The following RARA variants were observed in gnomAD, a reference collection of about 807,000 sequenced individuals.
The protein encoded by RARA is retinoic acid receptor alpha.
Under a neutral mutation model 42.8 loss-of-function variants are expected in RARA, and 5 were observed. The ratio of observed to expected loss-of-function variants is 0.12; its 90% CI spans 0.06 to 0.25. The LOEUF (loss-of-function observed/expected upper bound fraction) is 0.25. Among genes scored for constraint, RARA ranks in the 10% least tolerant of loss-of-function variants. RARA has a pLI of 1.00. For synonymous variants in RARA, 256 were observed against 259.5 expected (o/e 0.99, Z 0.13); for missense variants, 402 against 628.7 (o/e 0.64, Z 3.86).
rs759685297 is a variant in RARA, at chr17:40,356,058, G to A, written c.1221G>A (p.Pro407=). ...AGATGGAGATCCCGGGCTCCATGCCGCCTCTCATCCAGGAAATGTTGGAGA... is the reference window on the plus strand; with the variant it reads ...AGATGGAGATCCCGGGCTCCATGCCACCTCTCATCCAGGAAATGTTGGAGA... ...TLKMEIPGSM[P]PLIQEMLENS... Residue 407 remains proline, a synonymous_variant, in exon 9 of 9, where the codon CCG becomes CCA. Transcript: ENST00000254066. 1.4e-5 allele frequency: 21 copies of A among 1,539,588 alleles called. No individual in the cohort carries two copies. The South Asian group carries it at 1.5e-4, about 11-fold the overall frequency.
At chr17:40,321,051 C>T (rs2033361085) in intron 1 of RARA, among the ~76,000 whole-genome samples, 1 of 152,106 alleles carries the variant, frequency 6.6e-6, no homozygotes, top group Non-Finnish European at 1.5e-5. Flanking sequence ...CCTCTACTCC[C>T]CTCTCCACCC....
chr17:40,312,806 CTG>C (rs1270340076), intron 1 of RARA, among the ~76,000 whole-genome samples: 1 of 152,158 alleles, frequency 6.6e-6, no homozygotes, highest in Admixed American at 6.5e-5. Flanking sequence ...GAGAAGGAAA[CTG>C]AGGCCTAGAG....
At chr17:40,342,839 G>T in intron 2 of RARA, 1 of 1,612,980 alleles carries the variant, frequency 6.2e-7, no homozygotes, top group Non-Finnish European at 8.5e-7. Context: ...CCCCGCTCCG[G>T]ACTCCGCTTT....
intron 1 of RARA, among the ~76,000 whole-genome samples, chr17:40,330,410 CT>C (rs2033661277): frequency 6.6e-6 from 1 of 152,132 alleles, no homozygotes; most frequent in African/African-American, 2.4e-5. Context: ...GAGGGGCCCC[CT>C]GGCTTAGGAG....
At chr17:40,318,329 C>T (rs1458205142) in intron 1 of RARA, 1 of 152,356 alleles carries the variant, frequency 6.6e-6, no homozygotes, top group South Asian at 2.1e-4. Flanking sequence ...GAGCCGCGGC[C>T]CCCTGGACGG....
intron 1 of RARA, among the ~76,000 whole-genome samples, chr17:40,316,950 G>A (rs888536799): frequency 1.1e-4 from 17 of 152,228 alleles, no homozygotes; most frequent in African/African-American, 4.1e-4. Context: ...CCGTGCGCCG[G>A]CCCTCAGGGC....
At position 40,349,767 on chromosome 17, in the gene RARA, C is replaced by T; in HGVS notation, c.328-17C>T. 1.2e-6 allele frequency: 2 copies of T among 1,613,698 alleles called. No homozygotes were observed. The highest frequency in any genetic ancestry group is 1.7e-4 in the Middle Eastern group (1 of 6,052). ...CTGTGGGTGTGGACAACCTGACTCC[C>T]TCCCCTCCATACCCAGGGCTTCTTC... is the stretch of plus-strand genomic sequence containing the variant. On this transcript the variant is annotated splice_polypyrimidine_tract_variant and intron_variant, in intron 3 of 8. Coordinates refer to ENST00000254066, the MANE Select transcript of RARA (RefSeq NM_000964.4).
Position 40,331,013 on chromosome 17 carries a change from C to T in RARA, c.-206C>T, listed in dbSNP as rs2033676585. The stretch of plus-strand genomic sequence containing the variant: ...GACCGGCTCTTGAGACATCCCCCAA[C>T]CCACCTGGCCCCCAGCTAGGGTGGG... On this transcript the variant is annotated 5_prime_UTR_variant, in exon 2 of 9. Coordinates refer to ENST00000254066, the MANE Select transcript of RARA (RefSeq NM_000964.4). The T allele has an allele frequency of 3.6e-6, 2 of 550,130 alleles. No homozygotes were observed. Among genetic ancestry groups the T allele is most frequent in the Non-Finnish European group, 6.3e-6 (2 of 319,594 alleles). 34.1% of individuals were successfully genotyped at this position (550,130 alleles called of 1,614,324 possible). A position where few individuals can be genotyped will look rare whatever the true frequency, so the allele number is the denominator to read the frequency against.
Position 40,345,037 on chromosome 17 carries a change from G to C in RARA, c.179-3279G>C, listed in dbSNP as rs2034210327. Among the ~76,000 whole-genome samples, 2 of 152,192 alleles carry C rather than the reference G, an allele frequency of 1.3e-5. No homozygotes were observed. The highest frequency in any genetic ancestry group is 4.1e-4 in the South Asian group (2 of 4,836). ...TCTGGGAGGAGGTGGCCTGGGTTCT[G>C]CAGGGCCCTAGGGACATTGCCTCCC... On this transcript the variant is annotated intron_variant, in intron 2 of 8. Coordinates refer to ENST00000254066, the MANE Select transcript of RARA (RefSeq NM_000964.4). The surrounding 1 kb of genome is among the most constrained non-coding windows in gnomAD (Gnocchi z 4.8).
At chr17:40,315,167 TATATACAC>T (rs1174104572) in intron 1 of RARA, among the ~76,000 whole-genome samples, 11 of 116,028 alleles carry the variant, frequency 9.5e-5, no homozygotes, top group Non-Finnish European at 1.5e-4. Flanking sequence ...TATATATATA[TATATACAC>T]ACACACACAC....
At chr17:40,343,093 T>C in intron 2 of RARA, 1 of 778,674 alleles carries the variant, frequency 1.3e-6, no homozygotes, top group Non-Finnish European at 1.8e-6. Context: ...ACTTTGAGAG[T>C]TCCTTCTTTC....
intron 2 of RARA, among the ~76,000 whole-genome samples, chr17:40,334,949 G>A (rs972807532): frequency 5.3e-5 from 8 of 152,106 alleles, no homozygotes; most frequent in East Asian, 1.9e-4. Flanking sequence ...GAGATGGTCC[G>A]GCGATTCTCC....
Position 40,355,403 on chromosome 17 carries a change from C to T in RARA, c.1153C>T (p.Arg385Ter), listed in dbSNP as rs2034587712. ...PKMLMKITDLRSISAKGAERV... is the reference protein window; with the variant it reads ...PKMLMKITDL ...GATGCTAATGAAGATTACTGACCTG[C>T]GAAGCATCAGCGCCAAGGGTGAGGC... Residue 385 changes from arginine (R) to a stop codon, truncating the protein, a stop_gained, in exon 8 of 9, where the codon CGA (arginine) becomes TGA (stop). Coordinates refer to ENST00000254066, the MANE Select transcript of RARA (RefSeq NM_000964.4). LOFTEE classifies it high-confidence loss of function. The surrounding 1 kb of genome is among the most constrained non-coding windows in gnomAD (Gnocchi z 4.1). 1.9e-6 allele frequency: 3 copies of T among 1,613,918 alleles called. No homozygotes were observed. Among genetic ancestry groups the T allele is most frequent in the Non-Finnish European group, 1.7e-6 (2 of 1,179,896 alleles).
intron 1 of RARA, among the ~76,000 whole-genome samples, chr17:40,312,669 C>A (rs926812267): frequency 6.6e-6 from 1 of 152,140 alleles, no homozygotes; most frequent in African/African-American, 2.4e-5. Context: ...AGGGGCATGA[C>A]CCAGGTAGAT....
Position 40,355,637 on chromosome 17 carries a change from TG to T in RARA, c.1171+219del, listed in dbSNP as rs1341342739. Among the ~76,000 whole-genome samples the T allele has an allele frequency of 1.3e-5, 2 of 152,200 alleles. No homozygotes were observed. The highest frequency in any genetic ancestry group is 4.8e-5 in the African/African-American group (2 of 41,462). ...GATCGTGGCTCTGGAACCAGACACG[TG>T]GGTGTGTGTCCTTGTGTGGGTCACT... is the stretch of plus-strand genomic sequence containing the variant. On this transcript the variant is annotated intron_variant, in intron 8 of 8. Coordinates refer to ENST00000254066, the MANE Select transcript of RARA (RefSeq NM_000964.4). This position sits in a 1 kb window ranked among gnomAD's most constrained non-coding sequence, Gnocchi z 4.1.
chr17:40,341,677 T>C, intron 2 of RARA: 2 of 1,336,642 alleles, frequency 1.5e-6, no homozygotes, highest in Non-Finnish European at 1.9e-6. Flanking sequence ...TCAGCCGCAT[T>C]GCATTAGGCA....
Position 40,352,069 on chromosome 17 carries a change from C to T in RARA, c.629C>T (p.Thr210Met), listed in dbSNP as rs2143499242. 1.3e-6 allele frequency: 2 copies of T among 1,565,572 alleles called. No homozygotes were observed. The highest frequency in any genetic ancestry group is 2.3e-5 in the East Asian group (1 of 43,724). ...PALCQLGKYT[T>M]NNSSEQRVSL... ...CTCTGCCAGCTGGGCAAATACACTA[C>T]GGTATGGCTTTCCCCCGGCCTGCAG... The change falls in exon 5 of 9, where the codon ACG becomes ATG. Residue 210 changes from threonine to methionine, a missense_variant and splice_region_variant. Coordinates refer to ENST00000254066, the MANE Select transcript of RARA (RefSeq NM_000964.4). The surrounding 1 kb of genome is among the most constrained non-coding windows in gnomAD (Gnocchi z 4.9).
chr17:40,324,781 C>A (rs888916468), intron 1 of RARA, among the ~76,000 whole-genome samples: 1 of 152,190 alleles, frequency 6.6e-6, no homozygotes, highest in Non-Finnish European at 1.5e-5. Context: ...CTTCCCCTAA[C>A]TCCCAAGAGG....
chr17:40,332,423 G>A (rs1300386596), intron 2 of RARA, among the ~76,000 whole-genome samples: 1 of 152,194 alleles, frequency 6.6e-6, no homozygotes, highest in Non-Finnish European at 1.5e-5. Flanking sequence ...CCCCTCTCAC[G>A]GCTGCTGGCA....
Sources: gnomAD v4.1 joint callset for allele counts (sites outside exome capture counted in the v4.1 genomes callset) on GRCh38, gnomAD v4.1.1 for gene constraint, Gnocchi (gnomAD v3.1) non-coding constraint, MANE v1.5 for transcripts, NCBI Gene and HGNC (gene_info 2026-07-23, HGNC 2026-07-21) for gene names.